The following ADGRL3 variants were observed in gnomAD, a reference collection of about 807,000 sequenced individuals.
ADGRL3 encodes calcium-independent alpha-latrotoxin receptor 3.
In ADGRL3, 62 loss-of-function variants were observed where a neutral mutation model predicts 153.5. That is an observed-to-expected ratio of 0.40 (90% CI 0.33 to 0.50). The LOEUF (loss-of-function observed/expected upper bound fraction) is 0.50. Among genes scored for constraint, ADGRL3 ranks in the 20% least tolerant of loss-of-function variants. The pLI is 0.47. For missense variants in ADGRL3, 1,641 were observed against 1,859.4 expected (o/e 0.88, Z 2.16); for synonymous variants, 710 against 672.5 (o/e 1.06, Z -0.86).
At chr4:61,676,467 T>G (rs2095196971) in intron 5 of ADGRL3, among the ~76,000 whole-genome samples, 2 of 152,016 alleles carry the variant, frequency 1.3e-5, no homozygotes, top group Non-Finnish European at 2.9e-5. Context: ...AAAATACTTT[T>G]TTTTTTGTAC....
chr4:61,595,650 T>C (rs1169694503), intron 5 of ADGRL3, among the ~76,000 whole-genome samples: 1 of 151,992 alleles, frequency 6.6e-6, no homozygotes, highest in East Asian at 1.9e-4. Context: ...GCACAAGCAC[T>C]CCTTGAGCTG....
chr4:61,746,443 C>T (rs1204919397), intron 8 of ADGRL3, among the ~76,000 whole-genome samples: 4 of 152,092 alleles, frequency 2.6e-5, no homozygotes, highest in Non-Finnish European at 5.9e-5. Context: ...CCAAAACTGA[C>T]CACATAGTTG....
intron 9 of ADGRL3, among the ~76,000 whole-genome samples, chr4:61,885,719 G>C (rs2098534681): frequency 6.6e-6 from 1 of 152,156 alleles, no homozygotes; most frequent in Admixed American, 6.5e-5. Flanking sequence ...CTAGTGGAAA[G>C]GGATAGATTT....
intron 1 of ADGRL3, among the ~76,000 whole-genome samples, chr4:61,269,785 T>C (rs2093054958): frequency 6.6e-6 from 1 of 151,788 alleles, no homozygotes; most frequent in Non-Finnish European, 1.5e-5. Flanking sequence ...TCACATTTAA[T>C]CTGCTAGATG....
At chr4:61,816,325 G>C (rs1429355461) in intron 9 of ADGRL3, among the ~76,000 whole-genome samples, 1 of 152,174 alleles carries the variant, frequency 6.6e-6, no homozygotes, top group Non-Finnish European at 1.5e-5. Flanking sequence ...TAGTTAACAG[G>C]CTGGTTAGTT....
intron 5 of ADGRL3, among the ~76,000 whole-genome samples, chr4:61,654,754 G>A (rs748794883): frequency 6.6e-6 from 1 of 151,778 alleles, no homozygotes; most frequent in Non-Finnish European, 1.5e-5. Flanking sequence ...AAAATTAGCC[G>A]GGTGTGATGG....
intron 2 of ADGRL3, among the ~76,000 whole-genome samples, chr4:61,435,238 C>T (rs558731347): frequency 2.6e-5 from 4 of 151,832 alleles, no homozygotes; most frequent in Non-Finnish European, 4.4e-5. Flanking sequence ...AAGATATGGT[C>T]CCTGAAATTA....
intron 6 of ADGRL3, among the ~76,000 whole-genome samples, chr4:61,706,494 A>G (rs1002009273): frequency 2.6e-5 from 4 of 151,354 alleles, no homozygotes; most frequent in Admixed American, 1.3e-4. Context: ...ACCTTCATCA[A>G]TTATCTTTGC....
chr4:61,717,667 G>T (rs2096148740), intron 6 of ADGRL3, among the ~76,000 whole-genome samples: 1 of 152,128 alleles, frequency 6.6e-6, no homozygotes, highest in East Asian at 1.9e-4. Context: ...TTAAAATTAT[G>T]CACTTATTTA....
chr4:61,775,363 C>A, intron 8 of ADGRL3: 1 of 380,528 alleles, frequency 2.6e-6, no homozygotes, highest in South Asian at 3.0e-5. Flanking sequence ...CCCAGTTTTA[C>A]AGTAATGGAA....
At chr4:61,731,661 T>C (rs1302868148) in intron 7 of ADGRL3, among the ~76,000 whole-genome samples, 2 of 152,094 alleles carry the variant, frequency 1.3e-5, no homozygotes, top group African/African-American at 4.8e-5. Context: ...TTCACGAATG[T>C]ACTTAAGCAA....
intron 1 of ADGRL3, among the ~76,000 whole-genome samples, chr4:61,339,206 A>G (rs2095751412): frequency 6.6e-6 from 1 of 152,144 alleles, no homozygotes; most frequent in Non-Finnish European, 1.5e-5. Context: ...TATTAGGTTT[A>G]TTTTGAGGTT....
At chr4:61,715,323 G>GA (rs2096086152) in intron 6 of ADGRL3, among the ~76,000 whole-genome samples, 2 of 152,114 alleles carry the variant, frequency 1.3e-5, no homozygotes, top group African/African-American at 4.8e-5. Flanking sequence ...AAAGCAGGCT[G>GA]AAAACGTCAT....
chr4:61,499,235 A>G (rs574482344), intron 3 of ADGRL3, among the ~76,000 whole-genome samples: 3 of 152,360 alleles, frequency 2.0e-5, no homozygotes, highest in East Asian at 3.9e-4. Context: ...CAACATATTT[A>G]GTTCTAACAA....
At chr4:61,506,524 T>G (rs1307750820) in intron 3 of ADGRL3, among the ~76,000 whole-genome samples, 1 of 152,124 alleles carries the variant, frequency 6.6e-6, no homozygotes, top group Non-Finnish European at 1.5e-5. Context: ...AATGAACATC[T>G]TAAGCTTAGA....
At chr4:61,707,870 C>T (rs1450117476) in intron 6 of ADGRL3, among the ~76,000 whole-genome samples, 1 of 152,064 alleles carries the variant, frequency 6.6e-6, no homozygotes, top group Admixed American at 6.6e-5. Context: ...TAACAAGACT[C>T]CATTAGAGAC....
chr4:62,026,449 A>T (rs1718593955), intron 21 of ADGRL3, among the ~76,000 whole-genome samples: 1 of 152,106 alleles, frequency 6.6e-6, no homozygotes, highest in Admixed American at 6.6e-5. Context: ...GTGAAGCTGG[A>T]GTTGCTGTTG....
At chr4:62,001,145 A>T (rs1159926961) in intron 21 of ADGRL3, among the ~76,000 whole-genome samples, 1 of 152,186 alleles carries the variant, frequency 6.6e-6, no homozygotes, top group Non-Finnish European at 1.5e-5. Flanking sequence ...AGAACCAGTG[A>T]TAGAGAAATT....
chr4:61,531,520 C>T (rs923790693), intron 4 of ADGRL3, among the ~76,000 whole-genome samples: 1 of 152,110 alleles, frequency 6.6e-6, no homozygotes, highest in African/African-American at 2.4e-5. Context: ...ACTGGAAAGA[C>T]ATTATTATTA....
Sources: gnomAD v4.1 joint callset for allele counts (sites outside exome capture counted in the v4.1 genomes callset) on GRCh38, gnomAD v4.1.1 for gene constraint, MANE v1.5 for transcripts, NCBI Gene and HGNC (gene_info 2026-07-23, HGNC 2026-07-21) for gene names.